The following LRP12 variants were observed in gnomAD, a reference collection of about 807,000 sequenced individuals.
LRP12 encodes LDL receptor related protein 12, also known as low-density lipoprotein receptor-related protein 12.
In LRP12, 14 loss-of-function variants were observed where a neutral mutation model predicts 66.0. The observed-to-expected ratio is 0.21, with a 90% CI of 0.14 to 0.33. The LOEUF (loss-of-function observed/expected upper bound fraction) is 0.33. Ranked by LOEUF, LRP12 falls within the 10% of genes least tolerant of loss-of-function variation. The probability of loss-of-function intolerance (pLI) is 1.00; values close to 1 mark genes in which losing one functional copy is unlikely to be tolerated. For missense variants in LRP12, 889 were observed against 1,053.4 expected (o/e 0.84, Z 2.16); for synonymous variants, 357 against 359.1 (o/e 0.99, Z 0.07).
At chr8:104,535,220 C>G (rs1289307757) in intron 1 of LRP12, among the ~76,000 whole-genome samples, 1 of 151,792 alleles carries the variant, frequency 6.6e-6, no homozygotes, top group Non-Finnish European at 1.5e-5. Flanking sequence ...AGTAATCAAC[C>G]AACCCCATTT....
intron 1 of LRP12, among the ~76,000 whole-genome samples, chr8:104,553,380 A>G (rs990390391): frequency 6.6e-6 from 1 of 152,136 alleles, no homozygotes; most frequent in Admixed American, 6.5e-5. Context: ...GCTGCCTGGA[A>G]ATAAACTTGG....
chr8:104,515,782 T>C (rs888630201), intron 2 of LRP12, among the ~76,000 whole-genome samples: 2 of 152,214 alleles, frequency 1.3e-5, no homozygotes, highest in African/African-American at 4.8e-5. Flanking sequence ...TGATATTTTA[T>C]TTGCTAGGGT....
chr8:104,540,229 C>T (rs933274363), intron 1 of LRP12, among the ~76,000 whole-genome samples: 2 of 152,100 alleles, frequency 1.3e-5, no homozygotes, highest in Non-Finnish European at 2.9e-5. Context: ...GTAAGGAGGA[C>T]ACTGCATGCT....
chr8:104,582,563 C>T (rs1243190479), intron 1 of LRP12, among the ~76,000 whole-genome samples: 2 of 152,150 alleles, frequency 1.3e-5, no homozygotes, highest in Non-Finnish European at 2.9e-5. Flanking sequence ...CCACCCTTTG[C>T]TTCTTGCCTG....
chr8:104,575,387 C>A (rs1812149811), intron 1 of LRP12, among the ~76,000 whole-genome samples: 2 of 152,230 alleles, frequency 1.3e-5, no homozygotes, highest in Non-Finnish European at 2.9e-5. Flanking sequence ...TGCTCTGCCA[C>A]AGGTGCTGCA....
rs1268234861 is a variant in LRP12, at chr8:104,497,611, T to C, written c.941A>G (p.Tyr314Cys). 6.2e-7 allele frequency: 1 copy of C among 1,613,862 alleles called. No homozygotes were observed. Among genetic ancestry groups the C allele is most frequent in the Non-Finnish European group, 8.5e-7 (1 of 1,179,976 alleles). The stretch of plus-strand genomic sequence containing the variant: ...CTCTAATCCATCATATATTTTGACA[T>C]AATCACCATAACCAGTACCATCAAG... ...FKLDGTGYGD[Y>C]VKIYDGLEEN... The change falls in exon 5 of 7, where the codon TAT becomes TGT. Residue 314 changes from tyrosine (Y) to cysteine (C), a missense_variant. Around this residue, in one of 3 missense-constraint regions of LRP12, gnomAD observed 800 missense variants for 964.5 expected, o/e 0.83. Coordinates refer to ENST00000276654, the MANE Select transcript of LRP12 (RefSeq NM_013437.5). This position sits in a 1 kb window ranked among gnomAD's most constrained non-coding sequence, Gnocchi z 4.3.
At position 104,491,470 on chromosome 8, in the gene LRP12, T is replaced by C. The variant is rs1304865642; in HGVS notation, c.1783A>G (p.Met595Val). 2.5e-6 allele frequency: 4 copies of C among 1,613,674 alleles called. No homozygotes were observed. Among genetic ancestry groups the C allele is most frequent in the African/African-American group, 1.3e-5 (1 of 74,820 alleles). Reference sequence around the variant, plus strand: ...CAAATGTTGCTTGATCTGCCTGCCATAGGAAGCCTGACTGAAGTAAATCCA... The same window carrying C: ...CAAATGTTGCTTGATCTGCCTGCCACAGGAAGCCTGACTGAAGTAAATCCA... ...QLGFTSVRLPMAGRSSNIWNR... is the reference protein window; with the variant it reads ...QLGFTSVRLPVAGRSSNIWNR... The change falls in exon 7 of 7, where the codon ATG (methionine) becomes GTG (valine). Residue 595 changes from methionine (M) to valine (V), a missense_variant. Physicochemically the swap from Met to Val is conservative, Grantham distance 21. This residue lies in a region of LRP12 where 800 missense variants were observed against 964.5 expected (regional missense o/e 0.83). Transcript: ENST00000276654.
chr8:104,565,072 T>A (rs570204344), intron 1 of LRP12, among the ~76,000 whole-genome samples: 2 of 152,306 alleles, frequency 1.3e-5, no homozygotes, highest in East Asian at 3.9e-4. Flanking sequence ...GTACTTCTAT[T>A]AAGTGTAATA....
chr8:104,491,590 TAAA>T (rs34073040), intron 6 of LRP12, 51 bp from the exon 7 acceptor site: 75 of 819,718 alleles, frequency 9.1e-5, no homozygotes, highest in African/African-American at 8.2e-4. Context: ...GGTACTAAGA[TAAA>T]AAAAAAAAAA....
chr8:104,507,048 G>A (rs1403146651), intron 3 of LRP12: 1 of 151,800 alleles, frequency 6.6e-6, no homozygotes, highest in Non-Finnish European at 1.5e-5. Context: ...TGTTTACATG[G>A]TAAGTTAATT....
At chr8:104,531,628 T>A (rs1311565499) in intron 2 of LRP12, among the ~76,000 whole-genome samples, 1 of 152,130 alleles carries the variant, frequency 6.6e-6, no homozygotes, top group Non-Finnish European at 1.5e-5. Flanking sequence ...AAGAAAATAC[T>A]AATTCAACTT....
chr8:104,528,091 G>A (rs1444218571), intron 2 of LRP12, among the ~76,000 whole-genome samples: 1 of 152,076 alleles, frequency 6.6e-6, no homozygotes, highest in Non-Finnish European at 1.5e-5. Flanking sequence ...ATATTATTTC[G>A]CTTTCAAAGT....
intron 1 of LRP12, among the ~76,000 whole-genome samples, chr8:104,537,157 T>C (rs1412441498): frequency 2.0e-5 from 3 of 151,660 alleles, no homozygotes; most frequent in Admixed American, 6.6e-5. Context: ...GTCCTATTAC[T>C]GCCCTTTCTG....
intron 1 of LRP12, among the ~76,000 whole-genome samples, chr8:104,542,339 G>C (rs947044456): frequency 2.0e-5 from 3 of 152,172 alleles, no homozygotes; most frequent in Admixed American, 2.0e-4. Flanking sequence ...TAATTGGCTG[G>C]ATTGTCTTTC....
chr8:104,584,123 C>A (rs1246015257), intron 1 of LRP12, among the ~76,000 whole-genome samples: 4 of 151,798 alleles, frequency 2.6e-5, no homozygotes, highest in Admixed American at 2.6e-4. Flanking sequence ...TTACTTAACT[C>A]TCTCAAAAAG....
At chr8:104,537,766 T>TA (rs1473812849) in intron 1 of LRP12, among the ~76,000 whole-genome samples, 1 of 151,968 alleles carries the variant, frequency 6.6e-6, no homozygotes, top group Non-Finnish European at 1.5e-5. Flanking sequence ...TGAAATCATA[T>TA]AAAAAAGACA....
At chr8:104,523,287 T>C (rs1246903796) in intron 2 of LRP12, among the ~76,000 whole-genome samples, 4 of 152,132 alleles carry the variant, frequency 2.6e-5, no homozygotes, top group Non-Finnish European at 4.4e-5. Flanking sequence ...AATGCATATA[T>C]ATGTAAAATA....
At chr8:104,586,595 T>C (rs553767853) in intron 1 of LRP12, among the ~76,000 whole-genome samples, 1 of 152,342 alleles carries the variant, frequency 6.6e-6, no homozygotes, top group Non-Finnish European at 1.5e-5. Flanking sequence ...TCAGGATGCA[T>C]CCACCACCCA....
chr8:104,527,631 A>G (rs550194946), intron 2 of LRP12, among the ~76,000 whole-genome samples: 2 of 152,202 alleles, frequency 1.3e-5, no homozygotes, highest in East Asian at 1.9e-4. Flanking sequence ...GAATTGAACA[A>G]TGAGAACACA....
Sources: gnomAD v4.1 joint callset for allele counts (sites outside exome capture counted in the v4.1 genomes callset) on GRCh38, gnomAD v4.1.1 for gene constraint, gnomAD v4.1.1 regional missense constraint, Gnocchi (gnomAD v3.1) non-coding constraint, MANE v1.5 for transcripts, NCBI Gene and HGNC (gene_info 2026-07-23, HGNC 2026-07-21) for gene names.